The following BRIP1 variants were observed in gnomAD, a reference collection of about 807,000 sequenced individuals.
BRIP1 encodes BRCA1 interacting DNA helicase 1.
In BRIP1, 88 loss-of-function variants were observed where a neutral mutation model predicts 119.7. The ratio of observed to expected loss-of-function variants is 0.74; its 90% CI spans 0.62 to 0.88. The LOEUF is 0.88. Among genes scored for constraint, BRIP1 ranks in the 40% least tolerant of loss-of-function variants. The pLI is 0.00. For missense variants in BRIP1, 1,259 were observed against 1,455.4 expected, an observed-to-expected ratio of 0.87 and a Z score of 2.20; for synonymous variants, 443 against 496.5, an observed-to-expected ratio of 0.89 and a Z score of 1.43.
chr17:61,802,323 G>A lies in BRIP1; in HGVS notation c.919-849C>T, dbSNP rs2078008183. ...AAAAAATAAAAAATTTTCTAGGATT[G>A]GTGGCGTACATCAATGGTCCTAGCT... On this transcript the variant is annotated intron_variant, in intron 7 of 19. Transcript: ENST00000259008. The surrounding 1 kb of genome is among the most constrained non-coding windows in gnomAD (Gnocchi z 6.0). Among the ~76,000 whole-genome samples the A allele has an allele frequency of 6.6e-6, 1 of 152,058 alleles. No homozygotes were observed. The highest frequency in any genetic ancestry group is 1.5e-5 in the Non-Finnish European group (1 of 68,000).
intron 14 of BRIP1, among the ~76,000 whole-genome samples, chr17:61,749,318 G>A (rs2077101917): frequency 6.6e-6 from 1 of 152,074 alleles, no homozygotes; most frequent in East Asian, 1.9e-4. Context: ...AAAAAAAAGA[G>A]TGGAAAGGCA....
rs1047170949 is a variant in BRIP1 at position 61,705,879 on chromosome 17, T to A, written c.2492+10072A>T. 1.3e-5 allele frequency among the ~76,000 whole-genome samples: 2 copies of A among 152,190 alleles called. No homozygotes were observed. The highest frequency in any genetic ancestry group is 2.9e-5 in the Non-Finnish European group (2 of 68,004). On this transcript the variant is annotated intron_variant, in intron 17 of 19. Transcript: ENST00000259008. This position sits in a 1 kb window ranked among gnomAD's most constrained non-coding sequence, Gnocchi z 5.0. ...ATTTTTCTGTTATTGATTTCTAGTT[T>A]AAACTAGATTACTAGTTTAATTCCA...
rs931076546 is a variant in BRIP1 at position 61,831,556 on chromosome 17, A to G, written c.627+15545T>C. Reference sequence around the variant, plus strand: ...TCAAGTTTCATCTATGTTGTAGTACATGTCAGAATTTCCTTCCTTTTAAAG... The same window carrying G: ...TCAAGTTTCATCTATGTTGTAGTACGTGTCAGAATTTCCTTCCTTTTAAAG... On this transcript the variant is annotated intron_variant, in intron 6 of 19. Transcript: ENST00000259008. This position sits in a 1 kb window ranked among gnomAD's most constrained non-coding sequence, Gnocchi z 4.1. Among the ~76,000 whole-genome samples the G allele has an allele frequency of 3.9e-5, 6 of 152,312 alleles. No individual in the cohort carries two copies. In the South Asian group the frequency reaches 6.2e-4, roughly 16 times the overall value.
chr17:61,707,713 C>T (rs1306997813), intron 17 of BRIP1, among the ~76,000 whole-genome samples: 3 of 152,092 alleles, frequency 2.0e-5, no homozygotes, highest in Admixed American at 1.3e-4. Context: ...CAATATGGTA[C>T]ATCTCTATGG....
At position 61,726,665 on chromosome 17, in the gene BRIP1, TCAAA is replaced by T. The variant is rs1187313117; in HGVS notation, c.2380-10606_2380-10603del. 6.6e-6 allele frequency among the ~76,000 whole-genome samples: 1 copy of T among 152,226 alleles called. No homozygotes were observed. The highest frequency in any genetic ancestry group is 1.5e-5 in the Non-Finnish European group (1 of 68,030). On this transcript the variant is annotated intron_variant, in intron 16 of 19. Coordinates refer to ENST00000259008, the MANE Select transcript of BRIP1 (RefSeq NM_032043.3). This position sits in a 1 kb window ranked among gnomAD's most constrained non-coding sequence, Gnocchi z 6.2. ...TGGCAGAATACATACAGAACAGTGT[TCAAA>T]CAGTTTTGAAACAAATATTTTAAAA...
chr17:61,772,210 A>AT (rs1567804829), intron 14 of BRIP1, among the ~76,000 whole-genome samples: 18 of 99,602 alleles, frequency 1.8e-4, no homozygotes, highest in Admixed American at 1.0e-3. Flanking sequence ...TATATATATA[A>AT]AATGAAATAT....
chr17:61,766,766 G>A (rs2077379712), intron 14 of BRIP1, among the ~76,000 whole-genome samples: 1 of 152,010 alleles, frequency 6.6e-6, no homozygotes, highest in Admixed American at 6.6e-5. Context: ...TCATAAAGAT[G>A]TATTTTTTTT....
At position 61,744,032 on chromosome 17, in the gene BRIP1, T is replaced by C. The variant is rs931035792; in HGVS notation, c.2257+400A>G. Among the ~76,000 whole-genome samples the C allele has an allele frequency of 3.3e-5, 5 of 152,178 alleles. No individual in the cohort carries two copies. Among genetic ancestry groups the C allele is most frequent in the African/African-American group, 1.2e-4 (5 of 41,452 alleles). ...ATATGCTCTAACTTGGAATTGAGTT[T>C]TCAGTTATGTTTTGAAAATTCAAGT... On this transcript the variant is annotated intron_variant, in intron 15 of 19. Transcript: ENST00000259008. This position sits in a 1 kb window ranked among gnomAD's most constrained non-coding sequence, Gnocchi z 5.0.
chr17:61,831,136 G>A lies in BRIP1; in HGVS notation c.627+15965C>T, dbSNP rs2078486672. ...AGGAAACTTCTTTAGCCTGACAAAG[G>A]GCATAGACAGAACACCTAGCACAAA... On this transcript the variant is annotated intron_variant, in intron 6 of 19. Coordinates refer to ENST00000259008, the MANE Select transcript of BRIP1 (RefSeq NM_032043.3). This position sits in a 1 kb window ranked among gnomAD's most constrained non-coding sequence, Gnocchi z 4.1. Among the ~76,000 whole-genome samples, 1 of 152,110 alleles carries A rather than the reference G, an allele frequency of 6.6e-6. No individual in the cohort carries two copies. Among genetic ancestry groups the A allele is most frequent in the Admixed American group, 6.5e-5 (1 of 15,270 alleles).
rs1412986641 is a variant in BRIP1 at position 61,846,702 on chromosome 17, T to C, written c.627+399A>G. On this transcript the variant is annotated intron_variant, in intron 6 of 19. Coordinates refer to ENST00000259008, the MANE Select transcript of BRIP1 (RefSeq NM_032043.3). The surrounding 1 kb of genome is among the most constrained non-coding windows in gnomAD (Gnocchi z 4.3). ...ACGCCTGGCCTACAACATCTTAATA[T>C]TATTACAAAAATAATTTTCACCTCA... Among the ~76,000 whole-genome samples the C allele has an allele frequency of 2.0e-5, 3 of 152,122 alleles. No individual in the cohort carries two copies. Among genetic ancestry groups the C allele is most frequent in the Non-Finnish European group, 2.9e-5 (2 of 68,028 alleles).
rs980745593 is a variant in BRIP1, at chr17:61,851,591, T to C, written c.380-2335A>G. On this transcript the variant is annotated intron_variant, in intron 4 of 19. Coordinates refer to ENST00000259008, the MANE Select transcript of BRIP1 (RefSeq NM_032043.3). This position sits in a 1 kb window ranked among gnomAD's most constrained non-coding sequence, Gnocchi z 4.6. ...TTTCTGGATACATGTGGGACCAAAT[T>C]AGGGTTCTCTATACTTTTATATGAG... 2.6e-5 allele frequency among the ~76,000 whole-genome samples: 4 copies of C among 152,100 alleles called. No homozygotes were observed. Among genetic ancestry groups the C allele is most frequent in the African/African-American group, 9.7e-5 (4 of 41,406 alleles).
chr17:61,818,787 G>T (rs1343032492), intron 6 of BRIP1, among the ~76,000 whole-genome samples: 1 of 152,068 alleles, frequency 6.6e-6, no homozygotes, highest in Non-Finnish European at 1.5e-5. Flanking sequence ...TTTCTCAAAA[G>T]ATATACAAAT....
intron 16 of BRIP1, among the ~76,000 whole-genome samples, chr17:61,721,410 C>A (rs1292008472): frequency 6.6e-6 from 1 of 151,864 alleles, no homozygotes; most frequent in Non-Finnish European, 1.5e-5. Flanking sequence ...GCTGAGACTA[C>A]AGGCGTGTGC....
rs2077085060 is a variant in BRIP1, at chr17:61,748,250, A to G, written c.2098-3659T>C. Among the ~76,000 whole-genome samples the G allele has an allele frequency of 6.6e-6, 1 of 152,132 alleles. No homozygotes were observed. The highest frequency in any genetic ancestry group is 2.1e-4 in the South Asian group (1 of 4,818). ...AAGGGATCTAGGTTATATGCTCCTT[A>G]TGAGAATCTAATGCCTGATGATCTG... On this transcript the variant is annotated intron_variant, in intron 14 of 19. Coordinates refer to ENST00000259008, the MANE Select transcript of BRIP1 (RefSeq NM_032043.3). This position sits in a 1 kb window ranked among gnomAD's most constrained non-coding sequence, Gnocchi z 4.7.
chr17:61,688,165 G>A (rs1368140873), intron 18 of BRIP1, among the ~76,000 whole-genome samples: 2 of 152,100 alleles, frequency 1.3e-5, no homozygotes, highest in Non-Finnish European at 2.9e-5. Context: ...TACTCTGTAT[G>A]CCTGGAATCT....
At position 61,799,154 on chromosome 17, in the gene BRIP1, T is replaced by G. The variant is rs587781463; in HGVS notation, c.1286A>C (p.Asn429Thr). Residue 429 changes from asparagine (N) to threonine (T), a missense_variant, in exon 9 of 20, where the codon AAT becomes ACT. Transcript: ENST00000259008. This position sits in a 1 kb window ranked among gnomAD's most constrained non-coding sequence, Gnocchi z 5.1. ...GGGTTCATGATCTTTCTTCCTTATA[T>G]TATTGTTGACCATACTATCTAGTTC... ...RDELDSMVNN[N>T]IRKKDHEPLR... The G allele has an allele frequency of 1.6e-5, 26 of 1,613,576 alleles. No individual in the cohort carries two copies. Among genetic ancestry groups the G allele is most frequent in the Non-Finnish European group, 2.1e-5 (25 of 1,179,710 alleles).
Position 61,857,585 on chromosome 17 carries a change from G to A in BRIP1, c.206-354C>T, listed in dbSNP as rs538066070. Among the ~76,000 whole-genome samples, 4 of 152,090 alleles carry A rather than the reference G, an allele frequency of 2.6e-5. No homozygotes were observed. The highest frequency in any genetic ancestry group is 4.4e-5 in the Non-Finnish European group (3 of 68,018). On this transcript the variant is annotated intron_variant, in intron 3 of 19. Transcript: ENST00000259008. This position sits in a 1 kb window ranked among gnomAD's most constrained non-coding sequence, Gnocchi z 5.1. ...CTAAAAATACAAAAATTAGCCAGGCGTGGTAGTGCACGCCTGTAATACCAC... is the reference window on the plus strand; with the variant it reads ...CTAAAAATACAAAAATTAGCCAGGCATGGTAGTGCACGCCTGTAATACCAC...
rs1192826909 is a variant in BRIP1 at position 61,743,120 on chromosome 17, C to T, written c.2272G>A (p.Val758Ile). 2 of 1,613,794 alleles carry T rather than the reference C, an allele frequency of 1.2e-6. No individual in the cohort carries two copies. Among genetic ancestry groups the T allele is most frequent in the Non-Finnish European group, 1.7e-6 (2 of 1,179,898 alleles). ...CTCACTTTACCACGACAAACTGCTACCAGGAGAGCTCCATCTTAAACAACA... is the reference window on the plus strand; with the variant it reads ...CTCACTTTACCACGACAAACTGCTATCAGGAGAGCTCCATCTTAAACAACA... ...YKGEKDGALL[V>I]AVCRGKVSEG... Residue 758 changes from valine to isoleucine, a missense_variant, in exon 16 of 20, where the codon GTA (valine) becomes ATA (isoleucine). This residue lies in a region of BRIP1 where 753 missense variants were observed against 891.8 expected (regional missense o/e 0.84). Transcript: ENST00000259008. This position sits in a 1 kb window ranked among gnomAD's most constrained non-coding sequence, Gnocchi z 4.3.
At chr17:61,765,372 G>A (rs374700334) in intron 14 of BRIP1, among the ~76,000 whole-genome samples, 251 of 61,428 alleles carry the variant, frequency 4.1e-3, no homozygotes, top group Middle Eastern at 0.011. Context: ...GTGTGTGTGT[G>A]TATATATTAT....
Sources: gnomAD v4.1 joint callset for allele counts (sites outside exome capture counted in the v4.1 genomes callset) on GRCh38, gnomAD v4.1.1 for gene constraint, gnomAD v4.1.1 regional missense constraint, Gnocchi (gnomAD v3.1) non-coding constraint, MANE v1.5 for transcripts, NCBI Gene and HGNC (gene_info 2026-07-23, HGNC 2026-07-21) for gene names.